SLC9A4: variants seen among roughly 807,000 people sequenced by gnomAD.
SLC9A4 encodes sodium/hydrogen exchanger 4.
In SLC9A4, 63 loss-of-function variants were observed where a neutral mutation model predicts 67.4. That is an observed-to-expected ratio of 0.93 (90% confidence interval 0.76 to 1.15). SLC9A4 has a LOEUF of 1.15. Ranked by LOEUF, SLC9A4 falls within the 50% of genes most tolerant of loss-of-function variation. SLC9A4 has a pLI of 0.00. For missense variants in SLC9A4, 1,089 were observed against 987.7 expected (o/e 1.10, Z -1.38); for synonymous variants, 393 against 367.2 (o/e 1.07, Z -0.80).
intron 1 of SLC9A4, among the ~76,000 whole-genome samples, 187 bp downstream of exon 1, chr2:102,474,202 G>T (rs1017336137): frequency 7.9e-5 from 12 of 152,140 alleles, no homozygotes; most frequent in African/African-American, 2.7e-4. Context: ...CTTTGAGATT[G>T]CTCTTTGAAA....
intron 2 of SLC9A4, among the ~76,000 whole-genome samples, chr2:102,492,022 G>A (rs1684713512): frequency 1.3e-5 from 2 of 152,210 alleles, no homozygotes; most frequent in South Asian, 2.1e-4. Context: ...GCTCCAAAAT[G>A]ATCTCCTTTG....
Position 102,503,044 on chromosome 2 carries a change from C to T in SLC9A4, c.721-404C>T, listed in dbSNP as rs554688640. On this transcript the variant is annotated intron_variant, in intron 2 of 11. Coordinates refer to ENST00000295269, the MANE Select transcript of SLC9A4 (RefSeq NM_001011552.4). ...CTGCAGGAAGGCCCTTCTGCCTGCA[C>T]CTGAATGTCCTTTCTAGGCCCTCTA... 2.0e-3 allele frequency among the ~76,000 whole-genome samples: 310 copies of T among 152,366 alleles called. 2 individuals are homozygous for T. Among genetic ancestry groups the T allele is most frequent in the African/African-American group, 7.1e-3 (295 of 41,592 alleles).
At chr2:102,485,620 G>A (rs577313167) in intron 2 of SLC9A4, among the ~76,000 whole-genome samples, 10 of 152,292 alleles carry the variant, frequency 6.6e-5, no homozygotes, top group Admixed American at 3.9e-4. Flanking sequence ...GGAGCATTGC[G>A]GAGGGGGCTG....
chr2:102,525,822 A>C (rs1412827889), intron 10 of SLC9A4, among the ~76,000 whole-genome samples: 1 of 152,136 alleles, frequency 6.6e-6, no homozygotes, highest in Non-Finnish European at 1.5e-5. Context: ...CTCAAAACAA[A>C]AAAACTAAAA....
chr2:102,527,524 A>G (rs1357260693), intron 11 of SLC9A4, among the ~76,000 whole-genome samples: 2 of 152,228 alleles, frequency 1.3e-5, no homozygotes, highest in African/African-American at 4.8e-5. Flanking sequence ...ACAATGATAC[A>G]TATTAAGGGC....
intron 4 of SLC9A4, 56 bp downstream of exon 4, chr2:102,505,527 A>G (rs1685033681): frequency 1.3e-6 from 2 of 1,545,866 alleles, no homozygotes; most frequent in African/African-American, 2.7e-5. Flanking sequence ...CAGTTCTCTT[A>G]TTCCCTTCCG....
intron 1 of SLC9A4, among the ~76,000 whole-genome samples, chr2:102,477,535 A>C (rs1355437885): frequency 6.6e-6 from 1 of 152,204 alleles, no homozygotes; most frequent in African/African-American, 2.4e-5. Context: ...GAGTTTCCAC[A>C]TTAGTAGGAG....
intron 2 of SLC9A4, among the ~76,000 whole-genome samples, chr2:102,481,443 G>A (rs1684459604): frequency 1.3e-5 from 2 of 152,132 alleles, no homozygotes; most frequent in Admixed American, 1.3e-4. Flanking sequence ...TACATTGAAA[G>A]CTGATGTCCT....
In SLC9A4 at chr2:102,532,419, A is replaced by C. The variant is rs1264755666; in HGVS notation, c.2128A>C (p.Ile710Leu). Residue 710 changes from isoleucine (I) to leucine (L), a missense_variant, in exon 12 of 12, where the codon ATA (isoleucine) becomes CTA (leucine). Ile to Leu is a conservative substitution (Grantham distance 5). Coordinates refer to ENST00000295269, the MANE Select transcript of SLC9A4 (RefSeq NM_001011552.4). The stretch of plus-strand genomic sequence containing the variant: ...ACTTCAGAAGCAAGAGGCACAAGAA[A>C]TAATACCAATGAAGAGCCTACACAG... ...GSLQKQEAQE[I>L]IPMKSLHRGR... 4 of 1,614,230 alleles carry C rather than the reference A, an allele frequency of 2.5e-6. No homozygotes were observed. Among genetic ancestry groups the C allele is most frequent in the Non-Finnish European group, 3.4e-6 (4 of 1,180,028 alleles).
chr2:102,483,784 T>G (rs1684518589), intron 2 of SLC9A4, among the ~76,000 whole-genome samples: 1 of 138,128 alleles, frequency 7.2e-6, no homozygotes, highest in African/African-American at 2.7e-5. Context: ...TTAGTAACTA[T>G]CTCACCATGT....
intron 9 of SLC9A4, among the ~76,000 whole-genome samples, chr2:102,520,549 A>G (rs1178227653): frequency 6.6e-6 from 1 of 152,204 alleles, no homozygotes; most frequent in East Asian, 1.9e-4. Flanking sequence ...GTTAAATAAT[A>G]TTCCATTTAA....
intron 7 of SLC9A4, among the ~76,000 whole-genome samples, chr2:102,512,487 T>C (rs928567490): frequency 1.3e-5 from 2 of 152,186 alleles, no homozygotes; most frequent in African/African-American, 4.8e-5. Flanking sequence ...GTGTAGGTTG[T>C]TTCAGAGAGA....
chr2:102,485,902 C>A (rs1684578852), intron 2 of SLC9A4, among the ~76,000 whole-genome samples: 1 of 152,166 alleles, frequency 6.6e-6, no homozygotes, highest in Non-Finnish European at 1.5e-5. Flanking sequence ...AAATCAGGGG[C>A]AGGCATGGGC....
chr2:102,493,105 G>A (rs546590029), intron 2 of SLC9A4, among the ~76,000 whole-genome samples: 2 of 152,306 alleles, frequency 1.3e-5, no homozygotes, highest in South Asian at 2.1e-4. Flanking sequence ...CATTCAACAA[G>A]TCTTTAGGAA....
chr2:102,504,409 A>G (rs4851605), intron 3 of SLC9A4, among the ~76,000 whole-genome samples: 107,824 of 152,136 alleles, frequency 0.71, 38,938 homozygotes, highest in Middle Eastern at 0.77. Context: ...ACCACATCAC[A>G]CAGCCATGGC....
intron 2 of SLC9A4, among the ~76,000 whole-genome samples, chr2:102,501,581 A>C (rs1684942305): frequency 6.6e-6 from 1 of 152,058 alleles, no homozygotes; most frequent in Admixed American, 6.6e-5. Context: ...GTGATGTTAT[A>C]GGGAATCAGC....
intron 1 of SLC9A4, among the ~76,000 whole-genome samples, chr2:102,477,489 C>T (rs1415662260): frequency 6.6e-6 from 1 of 152,206 alleles, no homozygotes; most frequent in African/African-American, 2.4e-5. Flanking sequence ...CATTTGGGGA[C>T]ATATGAAGAT....
intron 2 of SLC9A4, among the ~76,000 whole-genome samples, chr2:102,485,050 C>A (rs576569724): frequency 1.3e-5 from 2 of 152,222 alleles, no homozygotes; most frequent in South Asian, 4.2e-4. Context: ...CCTCATGGCA[C>A]CTTAATGAGG....
chr2:102,524,105 T>C (rs1674608680), intron 9 of SLC9A4, among the ~76,000 whole-genome samples: 1 of 152,252 alleles, frequency 6.6e-6, no homozygotes, highest in African/African-American at 2.4e-5. Context: ...TATGTAATCC[T>C]GTGCCTTCCA....
Sources: gnomAD v4.1 joint callset for allele counts (sites outside exome capture counted in the v4.1 genomes callset) on GRCh38, gnomAD v4.1.1 for gene constraint, MANE v1.5 for transcripts, NCBI Gene and HGNC (gene_info 2026-07-23, HGNC 2026-07-21) for gene names.